Variants in SORCS3 observed in about 807,000 individuals in gnomAD.
SORCS3 encodes the protein sortilin related VPS10 domain containing receptor 3, also known as VPS10 domain-containing receptor SorCS3.
In SORCS3, 57 loss-of-function variants were observed where a neutral mutation model predicts 146.3. That is an observed-to-expected ratio of 0.39 (90% CI 0.31 to 0.49). The LOEUF (loss-of-function observed/expected upper bound fraction) is 0.49, where lower values mean the gene tolerates loss of function less well. Ranked by LOEUF, SORCS3 falls within the 20% of genes least tolerant of loss-of-function variation. The pLI is 0.92. For synonymous variants in SORCS3, 653 were observed against 618.5 expected (o/e 1.06, Z -0.83); for missense variants, 1,341 against 1,575.5 (o/e 0.85, Z 2.52).
At chr10:105,147,871 C>T (rs1326093112) in intron 9 of SORCS3, 75 bp downstream of exon 9, 1 of 1,308,266 alleles carries the variant, frequency 7.6e-7, no homozygotes, top group East Asian at 2.4e-5. Flanking sequence ...AACACAAGCA[C>T]TGGAGTTCTG....
At chr10:104,835,147 G>A (rs2018052820) in intron 1 of SORCS3, among the ~76,000 whole-genome samples, 1 of 151,960 alleles carries the variant, frequency 6.6e-6, no homozygotes, top group Non-Finnish European at 1.5e-5. Context: ...TCGTACTGTG[G>A]GTCAGTTGGG....
chr10:104,860,532 C>A (rs538851095), intron 2 of SORCS3, among the ~76,000 whole-genome samples: 111 of 150,642 alleles, frequency 7.4e-4, no homozygotes, highest in Admixed American at 1.3e-3. Flanking sequence ...AACTAACCTG[C>A]ACATTGTACA....
chr10:104,998,276 C>G (rs73334049), intron 4 of SORCS3, among the ~76,000 whole-genome samples: 11,371 of 152,072 alleles, frequency 0.075, 473 homozygotes, highest in African/African-American at 0.1. Context: ...TGTGTTATGT[C>G]GGGTGGATGG....
intron 1 of SORCS3, among the ~76,000 whole-genome samples, chr10:104,781,453 G>A (rs1366151497): frequency 2.0e-5 from 3 of 152,220 alleles, no homozygotes; most frequent in Non-Finnish European, 4.4e-5. Context: ...TTGAGTGCAT[G>A]AGGTAGGTTC....
intron 14 of SORCS3, among the ~76,000 whole-genome samples, chr10:105,184,071 C>T (rs895671229): frequency 3.3e-5 from 5 of 152,190 alleles, no homozygotes; most frequent in African/African-American, 1.2e-4. Flanking sequence ...TTGGTAATCT[C>T]TGTGATCTAA....
chr10:104,706,905 G>A (rs1042340174), intron 1 of SORCS3, among the ~76,000 whole-genome samples: 4 of 152,190 alleles, frequency 2.6e-5, no homozygotes, highest in East Asian at 3.8e-4. Context: ...GTGTGGGCAC[G>A]TGGAAGATTG....
intron 3 of SORCS3, among the ~76,000 whole-genome samples, chr10:104,969,011 C>T (rs970830590): frequency 1.3e-5 from 2 of 152,176 alleles, no homozygotes; most frequent in African/African-American, 4.8e-5. Context: ...ATTTGAAATC[C>T]ATGTGTAACA....
rs140268797 is a variant in SORCS3 at position 104,977,347 on chromosome 10, A to C, written c.808A>C (p.Ser270Arg). Reference protein sequence around the residue: ...PTNKRKIMLLSDPEMESSILI... With the variant: ...PTNKRKIMLLRDPEMESSILI... ...ATCCTTTCTTTAGATTATGCTTCTC[A>C]GTGATCCTGAGATGGAGAGCAGCAT... Residue 270 changes from serine to arginine, a missense_variant, in exon 4 of 27, where the codon AGT becomes CGT. Coordinates refer to ENST00000369701, the MANE Select transcript of SORCS3 (RefSeq NM_014978.3). The C allele has an allele frequency of 6.2e-7, 1 of 1,612,094 alleles. No homozygotes were observed. Among genetic ancestry groups the C allele is most frequent in the African/African-American group, 1.3e-5 (1 of 74,814 alleles).
intron 7 of SORCS3, among the ~76,000 whole-genome samples, chr10:105,118,846 CG>C (rs1205896607): frequency 2.0e-5 from 3 of 152,024 alleles, no homozygotes; most frequent in Non-Finnish European, 2.9e-5. Context: ...AGAGGCAAAA[CG>C]TTCAAGAGAA....
chr10:104,906,984 C>T (rs1471421640), intron 2 of SORCS3, among the ~76,000 whole-genome samples: 2 of 152,058 alleles, frequency 1.3e-5, no homozygotes, highest in Admixed American at 6.6e-5. Context: ...TTTGTTTACA[C>T]GCTTATAAAC....
chr10:105,255,885 C>CT, intron 24 of SORCS3, 84 bp downstream of exon 24: 1 of 1,111,216 alleles, frequency 9.0e-7, no homozygotes, highest in Non-Finnish European at 1.3e-6. Context: ...TGAAACCCTG[C>CT]TGCATAATGT....
intron 3 of SORCS3, among the ~76,000 whole-genome samples, chr10:104,972,270 T>G (rs1042246952): frequency 4.6e-5 from 7 of 152,154 alleles, no homozygotes; most frequent in Non-Finnish European, 1.0e-4. Context: ...AAGCTGAGGT[T>G]AGGTAACTTT....
At chr10:105,219,246 T>C (rs1331381192) in intron 19 of SORCS3, among the ~76,000 whole-genome samples, 2 of 152,004 alleles carry the variant, frequency 1.3e-5, no homozygotes, top group African/African-American at 2.4e-5. Context: ...GGGGGCAAAG[T>C]CTAGAGGAAA....
chr10:104,874,527 A>G (rs566631832), intron 2 of SORCS3, among the ~76,000 whole-genome samples: 1 of 152,264 alleles, frequency 6.6e-6, no homozygotes, highest in South Asian at 2.1e-4. Context: ...CCAAAATTTC[A>G]GAATATCAAA....
At chr10:105,084,090 T>G (rs2055643008) in intron 5 of SORCS3, among the ~76,000 whole-genome samples, 1 of 152,130 alleles carries the variant, frequency 6.6e-6, no homozygotes, top group Non-Finnish European at 1.5e-5. Context: ...AGAGAAAAAA[T>G]CATTCCTAAC....
chr10:104,799,943 T>C (rs1751520390), intron 1 of SORCS3, among the ~76,000 whole-genome samples: 1 of 152,058 alleles, frequency 6.6e-6, no homozygotes, highest in African/African-American at 2.4e-5. Context: ...CTCAAAGTGC[T>C]GGGATTACAG....
intron 1 of SORCS3, among the ~76,000 whole-genome samples, chr10:104,701,033 C>T (rs900194815): frequency 2.6e-5 from 4 of 152,130 alleles, no homozygotes; most frequent in African/African-American, 9.7e-5. Context: ...GAATTTAATT[C>T]GTGGAAAGTT....
At chr10:104,654,192 T>G (rs2015597207) in intron 1 of SORCS3, among the ~76,000 whole-genome samples, 1 of 152,234 alleles carries the variant, frequency 6.6e-6, no homozygotes, top group African/African-American at 2.4e-5. Context: ...GTTTTCTTTA[T>G]CCATTCATCT....
intron 1 of SORCS3, among the ~76,000 whole-genome samples, chr10:104,660,648 A>G (rs989378365): frequency 6.6e-6 from 1 of 152,212 alleles, no homozygotes; most frequent in East Asian, 1.9e-4. Context: ...TCACATTTCA[A>G]ATCTGATATC....
Sources: gnomAD v4.1 joint callset for allele counts (sites outside exome capture counted in the v4.1 genomes callset) on GRCh38, gnomAD v4.1.1 for gene constraint, MANE v1.5 for transcripts, NCBI Gene and HGNC (gene_info 2026-07-23, HGNC 2026-07-21) for gene names.